TXNL4A: variants seen among roughly 807,000 people sequenced by gnomAD.
TXNL4A encodes thioredoxin-like protein 4A.
A neutral mutation model predicts 14.6 loss-of-function variants in TXNL4A; 17 were observed. The observed-to-expected ratio is 1.16, with a 90% CI of 0.80 to 1.74. The LOEUF is 1.74. TXNL4A is among the 40% of genes most tolerant of loss of function. The pLI is 0.00. For synonymous variants in TXNL4A, 83 were observed against 70.6 expected, an observed-to-expected ratio of 1.18 and a Z score of -0.88; for missense variants, 74 against 195.2, an observed-to-expected ratio of 0.38 and a Z score of 3.70.
chr18:80,032,116 C>T (rs944898272), intron 1 of TXNL4A, among the ~76,000 whole-genome samples: 1 of 152,170 alleles, frequency 6.6e-6, no homozygotes, highest in Non-Finnish European at 1.5e-5. Flanking sequence ...GCCTAGGTCC[C>T]TATACATTTT....
At chr18:80,018,344 A>C (rs2051826117) in intron 1 of TXNL4A, among the ~76,000 whole-genome samples, 1 of 152,226 alleles carries the variant, frequency 6.6e-6, no homozygotes, top group Admixed American at 6.5e-5. Flanking sequence ...CAGTGTGTAG[A>C]GGGAAATTTA....
intron 1 of TXNL4A, among the ~76,000 whole-genome samples, chr18:79,978,941 T>C (rs1346195255): frequency 2.0e-5 from 3 of 151,292 alleles, no homozygotes; most frequent in Admixed American, 6.6e-5. Flanking sequence ...GCATTCTTTT[T>C]TTTTTCTTTT....
intron 1 of TXNL4A, among the ~76,000 whole-genome samples, chr18:80,012,864 C>T (rs1379040134): frequency 1.3e-5 from 2 of 149,818 alleles, no homozygotes; most frequent in African/African-American, 2.5e-5. Context: ...GGGTCCAGTG[C>T]GGAGTGCCCT....
intron 1 of TXNL4A, among the ~76,000 whole-genome samples, chr18:79,984,829 G>A (rs2051519715): frequency 6.6e-6 from 1 of 152,108 alleles, no homozygotes; most frequent in Non-Finnish European, 1.5e-5. Flanking sequence ...AAAAATAAAC[G>A]TCCCATTCAG....
chr18:80,014,669 A>G (rs2051794849), intron 1 of TXNL4A, among the ~76,000 whole-genome samples: 2 of 152,058 alleles, frequency 1.3e-5, no homozygotes, highest in Admixed American at 1.3e-4. Flanking sequence ...AGACGGTGCA[A>G]ACTGTCAGTG....
intron 1 of TXNL4A, among the ~76,000 whole-genome samples, chr18:80,008,476 C>A (rs958652140): frequency 1.3e-5 from 2 of 152,162 alleles, no homozygotes; most frequent in Admixed American, 6.5e-5. Flanking sequence ...CTCACCCCAT[C>A]TTTATTGTAT....
At chr18:79,978,434 A>G (rs2051412669) in intron 1 of TXNL4A, among the ~76,000 whole-genome samples, 1 of 152,178 alleles carries the variant, frequency 6.6e-6, no homozygotes, top group South Asian at 2.1e-4. Flanking sequence ...GAGATTTAGA[A>G]AAGTCAGAAA....
chr18:80,009,966 C>G (rs1196094330), intron 1 of TXNL4A, among the ~76,000 whole-genome samples: 1 of 152,180 alleles, frequency 6.6e-6, no homozygotes, highest in Non-Finnish European at 1.5e-5. Context: ...TGTGAGCCCA[C>G]TCACCCAACT....
intron 1 of TXNL4A, 43 bp downstream of exon 1, chr18:79,988,197 T>A (rs775707390): frequency 6.8e-7 from 1 of 1,461,834 alleles, no homozygotes; most frequent in Non-Finnish European, 9.2e-7. Flanking sequence ...GCGGGGCAGA[T>A]GCGGAAGCAC....
In TXNL4A at chr18:79,973,866, G is replaced by A; in HGVS notation, c.258-10C>T. 6.2e-7 allele frequency: 1 copy of A among 1,612,306 alleles called. No homozygotes were observed. Among genetic ancestry groups the A allele is most frequent in the East Asian group, 2.2e-5 (1 of 44,856 alleles). The stretch of plus-strand genomic sequence containing the variant: ...CATGATGTGCTTGTTCCTGCAACGA[G>A]AAACAAGGGCATCCATTCTCATAGA... On this transcript the variant is annotated splice_polypyrimidine_tract_variant and intron_variant, in intron 2 of 2. Transcript: ENST00000269601.
intron 1 of TXNL4A, among the ~76,000 whole-genome samples, chr18:80,028,067 C>A (rs1027045915): frequency 6.6e-6 from 1 of 151,952 alleles, no homozygotes. Context: ...AACTAATGCC[C>A]CAGCCTTAGG....
At chr18:80,018,049 T>C (rs1443292020) in intron 1 of TXNL4A, among the ~76,000 whole-genome samples, 1 of 152,124 alleles carries the variant, frequency 6.6e-6, no homozygotes, top group Admixed American at 6.5e-5. Context: ...GATCCTGTTA[T>C]TGGTCTATTC....
chr18:79,976,266 T>C (rs1439992556), intron 2 of TXNL4A, among the ~76,000 whole-genome samples: 2 of 152,308 alleles, frequency 1.3e-5, no homozygotes, highest in African/African-American at 4.8e-5. Flanking sequence ...AAGGTCACTA[T>C]CCTGGATTAT....
chr18:80,013,281 C>G (rs2051784421), intron 1 of TXNL4A, among the ~76,000 whole-genome samples: 1 of 151,490 alleles, frequency 6.6e-6, no homozygotes, highest in Non-Finnish European at 1.5e-5. Context: ...CGCCACCATG[C>G]CCAGCTAATT....
At chr18:79,981,163 G>T (rs1370723878) in intron 1 of TXNL4A, among the ~76,000 whole-genome samples, 1 of 152,150 alleles carries the variant, frequency 6.6e-6, no homozygotes, top group African/African-American at 2.4e-5. Context: ...CTTGCTCAGG[G>T]ACAGATACAA....
intron 1 of TXNL4A, among the ~76,000 whole-genome samples, chr18:79,984,142 G>C (rs1165329805): frequency 1.3e-5 from 2 of 152,060 alleles, no homozygotes; most frequent in African/African-American, 4.8e-5. Flanking sequence ...TATCCATTCT[G>C]TTTGTTTCTA....
At chr18:79,990,565 G>A (rs1156756154), upstream of TXNL4A, among the ~76,000 whole-genome samples, 2 of 152,164 alleles carry the variant, frequency 1.3e-5, no homozygotes, top group African/African-American at 2.4e-5. Flanking sequence ...ATTCCTTACC[G>A]TCATTTTGGT....
chr18:80,029,610 C>T (rs924095233), intron 1 of TXNL4A, among the ~76,000 whole-genome samples: 1 of 152,162 alleles, frequency 6.6e-6, no homozygotes, highest in African/African-American at 2.4e-5. Context: ...CTCATATTTT[C>T]ACATTTCCAT....
chr18:79,978,738 C>A (rs532546305), intron 1 of TXNL4A, among the ~76,000 whole-genome samples: 1 of 152,288 alleles, frequency 6.6e-6, no homozygotes, highest in South Asian at 2.1e-4. Context: ...AAGTGATACG[C>A]CTGCCTTGGC....
Sources: gnomAD v4.1 joint callset for allele counts (sites outside exome capture counted in the v4.1 genomes callset) on GRCh38, gnomAD v4.1.1 for gene constraint, MANE v1.5 for transcripts, NCBI Gene and HGNC (gene_info 2026-07-23, HGNC 2026-07-21) for gene names.